The following RGS12 variants were observed in gnomAD, a reference collection of about 807,000 sequenced individuals.
RGS12 encodes the protein regulator of G-protein signaling 12.
In RGS12, 66 loss-of-function variants were observed where a neutral mutation model predicts 120.1. The observed-to-expected ratio is 0.55, with a 90% CI of 0.45 to 0.67. RGS12 has a LOEUF of 0.67. RGS12 is among the 30% of genes least tolerant of loss of function. The pLI, the probability that RGS12 is intolerant of heterozygous loss-of-function variation, is 0.00. For synonymous variants in RGS12, 827 were observed against 804.7 expected (o/e 1.03, Z -0.47); for missense variants, 1,859 against 1,957.7 (o/e 0.95, Z 0.95).
chr4:3,411,698 G>A lies in RGS12; in HGVS notation c.2021-2374G>A, dbSNP rs541780062. Among the ~76,000 whole-genome samples, 3 of 152,290 alleles carry A rather than the reference G, an allele frequency of 2.0e-5. No individual in the cohort carries two copies. In the South Asian group the frequency reaches 6.2e-4, roughly 32 times the overall value. ...CAAGGACCCCTGCCCCAGAGAGAGT[G>A]AGTGTGCAAGTTGAGTGTGTGTGAG... is the stretch of plus-strand genomic sequence containing the variant. On this transcript the variant is annotated intron_variant, in intron 4 of 17. Transcript: ENST00000336727.
intron 17 of RGS12, chr4:3,431,817 G>A (rs982574903): frequency 1.6e-5 from 16 of 985,576 alleles, no homozygotes; most frequent in South Asian, 4.7e-5. Context: ...GCGCCTCTCC[G>A]TCCTGTGCCC....
chr4:3,367,681 C>G (rs1716463739), intron 3 of RGS12, among the ~76,000 whole-genome samples: 1 of 152,240 alleles, frequency 6.6e-6, no homozygotes, highest in African/African-American at 2.4e-5. Flanking sequence ...CACAGGAGTT[C>G]TCCCAGGCGT....
At chr4:3,426,348 G>T (rs1464250941) in intron 14 of RGS12, among the ~76,000 whole-genome samples, 1 of 150,960 alleles carries the variant, frequency 6.6e-6, no homozygotes, top group Non-Finnish European at 1.5e-5. Flanking sequence ...GGCGGGGCTG[G>T]CCCAGGGGAG....
Position 3,422,587 on chromosome 4 carries a change from A to AC in RGS12, c.3033+20dup, listed in dbSNP as rs576409221. On this transcript the variant is annotated intron_variant, in intron 11 of 17. Coordinates refer to ENST00000336727, the MANE Select transcript of RGS12 (RefSeq NM_001394154.1). ...GGGGACAAGGTACTGGGCCCGCCTG[A>AC]CCCTCGTGCTGCCCTCAGGCCATGA... 2.5e-5 allele frequency: 40 copies of AC among 1,605,174 alleles called. No homozygotes were observed. The South Asian group carries it at 4.0e-4, about 16-fold the overall frequency.
intron 14 of RGS12, among the ~76,000 whole-genome samples, 182 bp downstream of exon 14, chr4:3,425,742 G>T (rs1293655772): frequency 1.7e-5 from 1 of 57,794 alleles, no homozygotes; most frequent in Non-Finnish European, 3.4e-5. Context: ...TGGGGCCAGC[G>T]CAGGGGAGGG....
chr4:3,422,345 C>A lies in RGS12; in HGVS notation c.2839-31C>A, dbSNP rs200496378. 138 of 1,589,262 alleles carry A rather than the reference C, an allele frequency of 8.7e-5. 1 individual carries two copies. In the East Asian group the frequency reaches 2.2e-3, roughly 25 times the overall value. On this transcript the variant is annotated intron_variant, in intron 10 of 17. Transcript: ENST00000336727. ...CCCCGCACCCCTGTGACGCTGGTTC[C>A]CTCACGGCTGCTTGTCTCGCTGCTC... is the stretch of plus-strand genomic sequence containing the variant.
At chr4:3,399,983 C>A (rs983782889) in intron 4 of RGS12, among the ~76,000 whole-genome samples, 1 of 152,236 alleles carries the variant, frequency 6.6e-6, no homozygotes, top group Non-Finnish European at 1.5e-5. Flanking sequence ...GGCTCTCAGC[C>A]ATACTGTTTC....
chr4:3,315,861 G>A (rs1724703458), intron 1 of RGS12, among the ~76,000 whole-genome samples: 2 of 152,238 alleles, frequency 1.3e-5, no homozygotes. Context: ...AGGAACTTGT[G>A]TGGTAACAAG....
chr4:3,343,981 C>T (rs866453525), intron 3 of RGS12, among the ~76,000 whole-genome samples: 4 of 152,312 alleles, frequency 2.6e-5, no homozygotes, highest in East Asian at 1.9e-4. Context: ...TGATGCCTTC[C>T]GCTATCGATA....
chr4:3,413,843 C>T (rs911567551), intron 4 of RGS12: 1 of 526,330 alleles, frequency 1.9e-6, no homozygotes. Context: ...CTCGTGCACA[C>T]ACATGTGCAG....
intron 3 of RGS12, among the ~76,000 whole-genome samples, chr4:3,357,546 G>A (rs1238341917): frequency 1.3e-5 from 2 of 152,162 alleles, no homozygotes; most frequent in Admixed American, 6.5e-5. Context: ...TTTTGTATAT[G>A]GTGTTAGGTA....
intron 3 of RGS12, among the ~76,000 whole-genome samples, chr4:3,369,047 C>T (rs945584299): frequency 6.6e-6 from 1 of 151,976 alleles, no homozygotes; most frequent in South Asian, 2.1e-4. Context: ...GTAGCTTGGG[C>T]GGGAGCCCCT....
chr4:3,437,414 TC>T (rs1290507312), intron 17 of RGS12, among the ~76,000 whole-genome samples: 1 of 152,134 alleles, frequency 6.6e-6, no homozygotes, highest in Non-Finnish European at 1.5e-5. Context: ...GCAGGCCCCT[TC>T]AGAGCCCTAT....
intron 2 of RGS12, among the ~76,000 whole-genome samples, chr4:3,319,780 C>T (rs1045483464): frequency 5.9e-5 from 9 of 152,216 alleles, no homozygotes; most frequent in Admixed American, 5.2e-4. Context: ...TGCAGCTGCA[C>T]GTGCTGCTGC....
rs778355875 is a variant in RGS12 at position 3,317,910 on chromosome 4, C to T, written c.1740C>T (p.Pro580=). 30 of 1,614,030 alleles carry T rather than the reference C, an allele frequency of 1.9e-5. No individual in the cohort carries two copies. Among genetic ancestry groups the T allele is most frequent in the African/African-American group, 4.0e-5 (3 of 74,956 alleles). The change falls in exon 2 of 18, where the codon CCC becomes CCT. Residue 580 remains proline, a synonymous_variant. Coordinates refer to ENST00000336727, the MANE Select transcript of RGS12 (RefSeq NM_001394154.1). ...GTLPPPMSKI[P]ADRYRVEGSF... is the part of the protein sequence containing the mutation. ...TGCCCCCTCCTATGAGCAAGATCCCCGCAGACCGCTACAGGGTGGAGGGCA... is the reference window on the plus strand; with the variant it reads ...TGCCCCCTCCTATGAGCAAGATCCCTGCAGACCGCTACAGGGTGGAGGGCA...
Position 3,316,471 on chromosome 4 carries a change from C to A in RGS12, c.301C>A (p.Arg101Ser). 1.9e-6 allele frequency: 3 copies of A among 1,614,152 alleles called. No homozygotes were observed. The highest frequency in any genetic ancestry group is 2.5e-6 in the Non-Finnish European group (3 of 1,180,044). ...CATGGTGATTGCTGAAGGCGTCGGC[C>A]GCTTCGAATCCTGTTCCAGTGATGA... ...LHMVIAEGVG[R>S]FESCSSDEEG... The change falls in exon 2 of 18, where the codon CGC (arginine) becomes AGC (serine). Residue 101 changes from arginine to serine, a missense_variant. Coordinates refer to ENST00000336727, the MANE Select transcript of RGS12 (RefSeq NM_001394154.1).
At chr4:3,393,058 C>T (rs1221280042) in intron 4 of RGS12, among the ~76,000 whole-genome samples, 41 of 152,220 alleles carry the variant, frequency 2.7e-4, no homozygotes, top group Non-Finnish European at 3.1e-4. Flanking sequence ...CCAGTGCTAT[C>T]ATCTCTGTCT....
intron 17 of RGS12, among the ~76,000 whole-genome samples, chr4:3,437,185 G>A (rs965088766): frequency 7.2e-5 from 11 of 152,200 alleles, no homozygotes; most frequent in African/African-American, 2.7e-4. Flanking sequence ...GCCCTGCACA[G>A]GAGGGCGAGG....
chr4:3,343,196 G>A (rs1249034073), intron 3 of RGS12, 143 bp downstream of exon 3: 1 of 616,638 alleles, frequency 1.6e-6, no homozygotes, highest in Non-Finnish European at 2.9e-6. Context: ...TTTTCTGGGG[G>A]ACAGCGTCCC....
Sources: gnomAD v4.1 joint callset for allele counts (sites outside exome capture counted in the v4.1 genomes callset) on GRCh38, gnomAD v4.1.1 for gene constraint, MANE v1.5 for transcripts, NCBI Gene and HGNC (gene_info 2026-07-23, HGNC 2026-07-21) for gene names.